GALNT17: variants seen among roughly 807,000 people sequenced by gnomAD.
The protein encoded by GALNT17 is polypeptide N-acetylgalactosaminyltransferase 17.
A neutral mutation model predicts 63.7 loss-of-function variants in GALNT17; 29 were observed. The ratio of observed to expected loss-of-function variants is 0.46; its 90% CI spans 0.34 to 0.62. The LOEUF (loss-of-function observed/expected upper bound fraction) is 0.62. GALNT17 is among the 20% of genes least tolerant of loss of function. The pLI is 0.01. For missense variants in GALNT17, 603 were observed against 799.6 expected (o/e 0.75, Z 2.97); for synonymous variants, 305 against 318.3 (o/e 0.96, Z 0.45).
intron 5 of GALNT17, among the ~76,000 whole-genome samples, chr7:71,428,081 C>T (rs987501732): frequency 7.2e-5 from 11 of 152,086 alleles, no homozygotes; most frequent in South Asian, 2.1e-4. Context: ...TGTTCTTAAT[C>T]GTGGCAATAT....
intron 6 of GALNT17, among the ~76,000 whole-genome samples, chr7:71,614,074 TATG>T (rs969923306): frequency 2.0e-5 from 3 of 152,194 alleles, no homozygotes; most frequent in Non-Finnish European, 2.9e-5. Flanking sequence ...TGCAGGATTT[TATG>T]ATAAAACTGT....
intron 3 of GALNT17, among the ~76,000 whole-genome samples, chr7:71,409,824 A>G (rs1327261638): frequency 1.3e-5 from 2 of 152,186 alleles, no homozygotes; most frequent in Admixed American, 6.5e-5. Flanking sequence ...AGATCCTCAA[A>G]TCCACCTCCC....
At chr7:71,482,150 ATT>A (rs149578252) in intron 5 of GALNT17, among the ~76,000 whole-genome samples, 103,976 of 128,438 alleles carry the variant, frequency 0.81, 43,233 homozygotes, top group Non-Finnish European at 0.91. Flanking sequence ...ACAAGGATAC[ATT>A]TTTTTTTTTT....
intron 1 of GALNT17, among the ~76,000 whole-genome samples, chr7:71,332,078 T>C (rs1563009314): frequency 6.6e-6 from 1 of 152,194 alleles, no homozygotes; most frequent in South Asian, 2.1e-4. Flanking sequence ...CCATATAAAA[T>C]ACTAAAAATT....
At chr7:71,212,567 G>A (rs996084552) in intron 1 of GALNT17, among the ~76,000 whole-genome samples, 1 of 152,116 alleles carries the variant, frequency 6.6e-6, no homozygotes, top group Admixed American at 6.5e-5. Context: ...AGCTTGCACC[G>A]TGCACCTGGA....
intron 3 of GALNT17, among the ~76,000 whole-genome samples, chr7:71,408,190 G>A (rs116883304): frequency 5.9e-5 from 9 of 152,154 alleles, no homozygotes; most frequent in Non-Finnish European, 8.8e-5. Flanking sequence ...AAGGAGCCTC[G>A]GAACCTGCAT....
At chr7:71,427,980 A>G (rs1320955859) in intron 5 of GALNT17, among the ~76,000 whole-genome samples, 3 of 152,180 alleles carry the variant, frequency 2.0e-5, no homozygotes, top group African/African-American at 2.4e-5. Context: ...ACCCTTGTCC[A>G]TGGAAAAATT....
chr7:71,210,215 A>G (rs1322418082), intron 1 of GALNT17, among the ~76,000 whole-genome samples: 3 of 152,216 alleles, frequency 2.0e-5, no homozygotes, highest in African/African-American at 7.2e-5. Context: ...TCACAAGAAT[A>G]GCATGGGAAA....
chr7:71,400,556 G>A (rs529399753), intron 3 of GALNT17, among the ~76,000 whole-genome samples: 22 of 152,148 alleles, frequency 1.4e-4, no homozygotes, highest in Non-Finnish European at 2.6e-4. Context: ...ATTATGCTTA[G>A]ACTATACAAA....
At chr7:71,629,795 AC>A (rs1454728340) in intron 6 of GALNT17, among the ~76,000 whole-genome samples, 2 of 152,058 alleles carry the variant, frequency 1.3e-5, no homozygotes, top group Non-Finnish European at 2.9e-5. Context: ...ATATTTTTAA[AC>A]TTTTTTATAG....
intron 6 of GALNT17, among the ~76,000 whole-genome samples, chr7:71,600,411 C>T (rs1789949632): frequency 6.6e-6 from 1 of 151,794 alleles, no homozygotes; most frequent in South Asian, 2.1e-4. Context: ...GAGGATCAGG[C>T]AGGGGATTAG....
intron 2 of GALNT17, among the ~76,000 whole-genome samples, chr7:71,368,798 T>C (rs1036915499): frequency 6.6e-6 from 1 of 152,020 alleles, no homozygotes; most frequent in African/African-American, 2.4e-5. Context: ...CTTCGGTGTG[T>C]TAAGAAGGAA....
At chr7:71,436,132 C>T (rs1480934921) in intron 5 of GALNT17, among the ~76,000 whole-genome samples, 1 of 152,026 alleles carries the variant, frequency 6.6e-6, no homozygotes, top group African/African-American at 2.4e-5. Context: ...GCGAATTACT[C>T]TTTCTCTGTT....
intron 1 of GALNT17, among the ~76,000 whole-genome samples, chr7:71,286,490 G>C (rs1790875186): frequency 6.6e-6 from 1 of 152,184 alleles, no homozygotes; most frequent in Admixed American, 6.5e-5. Flanking sequence ...CTGTGAGCCA[G>C]ACAGGGCCAG....
intron 1 of GALNT17, among the ~76,000 whole-genome samples, chr7:71,229,401 G>C (rs187201458): frequency 1.9e-4 from 29 of 152,168 alleles, no homozygotes; most frequent in African/African-American, 6.5e-4. Flanking sequence ...AGATGGCCCC[G>C]TCTGGACCCA....
chr7:71,367,896 A>G (rs1792544775), intron 2 of GALNT17, among the ~76,000 whole-genome samples: 1 of 152,212 alleles, frequency 6.6e-6, no homozygotes, highest in Non-Finnish European at 1.5e-5. Flanking sequence ...AGAATAAGGA[A>G]GAGGGGACTT....
At chr7:71,148,537 A>G (rs2116203879) in intron 1 of GALNT17, among the ~76,000 whole-genome samples, 1 of 152,282 alleles carries the variant, frequency 6.6e-6, no homozygotes, top group Middle Eastern at 3.4e-3. Flanking sequence ...CAGCATTTGC[A>G]TTGTGAATCC....
At position 71,683,006 on chromosome 7, in the gene GALNT17, T is replaced by C. The variant is rs145244817; in HGVS notation, c.1500+5700T>C. ...TCCCAGCACAGTGTGGCCCCTTTGT[T>C]AGGAAATGGCTGGGTTTCATCTTTC... On this transcript the variant is annotated intron_variant, in intron 9 of 10. Transcript: ENST00000333538. Among the ~76,000 whole-genome samples, 39 of 152,182 alleles carry C rather than the reference T, an allele frequency of 2.6e-4. No individual in the cohort carries two copies. In the East Asian group the frequency reaches 5.8e-3, roughly 23 times the overall value.
chr7:71,463,093 G>T (rs1203331825), intron 5 of GALNT17, among the ~76,000 whole-genome samples: 3 of 152,208 alleles, frequency 2.0e-5, no homozygotes, highest in Non-Finnish European at 4.4e-5. Context: ...GAAGTGTGGA[G>T]ATTGTTGATT....
Sources: allele counts gnomAD v4.1 joint callset (sites outside exome capture counted in the v4.1 genomes callset), GRCh38; gene constraint gnomAD v4.1.1; transcripts MANE v1.5; gene names NCBI Gene and HGNC (gene_info 2026-07-23, HGNC 2026-07-21).